Variants in ZNF696 observed in about 807,000 individuals in gnomAD.
The protein encoded by ZNF696 is zinc finger protein 696.
A neutral mutation model predicts 12.3 loss-of-function variants in ZNF696; 10 were observed. That is an observed-to-expected ratio of 0.81 (90% confidence interval 0.50 to 1.38). The LOEUF is 1.38. Among genes scored for constraint, ZNF696 ranks in the 40% most tolerant of loss-of-function variants. ZNF696 has a pLI of 0.00. For synonymous variants in ZNF696, 304 were observed against 243.9 expected (o/e 1.25, Z -2.29); for missense variants, 675 against 554.7 (o/e 1.22, Z -2.18).
rs574614612 is a variant in ZNF696, at chr8:143,297,071, C to G, written c.*271C>G. On this transcript the variant is annotated 3_prime_UTR_variant, in exon 3 of 3. Transcript: ENST00000330143. The stretch of plus-strand genomic sequence containing the variant: ...TCTGTCCCGGGCCGGCCGCCCGCCT[C>G]TGAGACTCCCCGCCTCCCACGGTCA... 8.2e-6 allele frequency: 3 copies of G among 364,686 alleles called. No homozygotes were observed. The highest frequency in any genetic ancestry group is 6.3e-5 in the African/African-American group (3 of 47,354). The allele number at this position is 364,686 out of a possible 1,614,324, so 22.6% of individuals were successfully genotyped here.
rs1563742898 is a variant in ZNF696 at position 143,291,493 on chromosome 8, AG to A, written c.-302del. On this transcript the variant is annotated 5_prime_UTR_variant, in exon 1 of 3. Transcript: ENST00000330143. ...CTGGGGTGTCGATTCGGGAGGGCTG[AG>A]GGCGCGGCCGAGAGAACGGGGCGGT... 14 of 985,334 alleles carry A rather than the reference AG, an allele frequency of 1.4e-5. No individual in the cohort carries two copies. Among genetic ancestry groups the A allele is most frequent in the Non-Finnish European group, 1.7e-5 (14 of 829,970 alleles). The allele number at this position is 985,334 out of a possible 1,614,324, so 61.0% of individuals were successfully genotyped here.
chr8:143,296,361 G>A lies in ZNF696; in HGVS notation c.686G>A (p.Arg229His). ...GQRSDAAKHR[R>H]THTGERLYAC... is the part of the protein sequence containing the mutation. ...AGGTCGGACGCCGCCAAGCACCGCC[G>A]CACCCACACCGGGGAGAGGCTGTAC... The change falls in exon 3 of 3, where the codon CGC becomes CAC. Residue 229 changes from arginine (R) to histidine (H), a missense_variant. Transcript: ENST00000330143. 2 of 1,593,780 alleles carry A rather than the reference G, an allele frequency of 1.3e-6. No homozygotes were observed. The highest frequency in any genetic ancestry group is 8.5e-7 in the Non-Finnish European group (1 of 1,173,892).
chr8:143,293,746 T>G (rs964082632), intron 2 of ZNF696, among the ~76,000 whole-genome samples: 1 of 152,240 alleles, frequency 6.6e-6, no homozygotes, highest in Non-Finnish European at 1.5e-5. Flanking sequence ...TTTGAGTCAG[T>G]TCTTGAACTT....
At position 143,291,601 on chromosome 8, in the gene ZNF696, G is replaced by C; in HGVS notation, c.-197G>C. The stretch of plus-strand genomic sequence containing the variant: ...CTCTCGGGCGCGGCGTGGGGGAGGC[G>C]GCCCTGCAGGTGCGTACCCGGGGTC... On this transcript the variant is annotated 5_prime_UTR_variant, in exon 1 of 3. Coordinates refer to ENST00000330143, the MANE Select transcript of ZNF696 (RefSeq NM_030895.3). 1.0e-6 allele frequency: 1 copy of C among 985,460 alleles called. No individual in the cohort carries two copies. Among genetic ancestry groups the C allele is most frequent in the Non-Finnish European group, 1.2e-6 (1 of 829,936 alleles). 61.0% of individuals were successfully genotyped at this position (985,460 alleles called of 1,614,324 possible).
chr8:143,293,939 C>T (rs543785960), intron 2 of ZNF696, among the ~76,000 whole-genome samples: 33 of 152,206 alleles, frequency 2.2e-4, no homozygotes, highest in South Asian at 4.1e-4. Flanking sequence ...TGCCCCACCC[C>T]CACCTCCACA....
At position 143,298,603 on chromosome 8, in the gene ZNF696, G is replaced by A. The variant is rs1337960682; in HGVS notation, c.*1803G>A. Among the ~76,000 whole-genome samples, 3 of 152,178 alleles carry A rather than the reference G, an allele frequency of 2.0e-5. No individual in the cohort carries two copies. Among genetic ancestry groups the A allele is most frequent in the South Asian group, 2.1e-4 (1 of 4,828 alleles). ...GGGCCAACAGAAACAGCAGGCAGCCGCTGTCAGCCACAAAGAAACGCAGAT... is the reference window on the plus strand; with the variant it reads ...GGGCCAACAGAAACAGCAGGCAGCCACTGTCAGCCACAAAGAAACGCAGAT... On this transcript the variant is annotated 3_prime_UTR_variant, in exon 3 of 3. Transcript: ENST00000330143.
intron 2 of ZNF696, among the ~76,000 whole-genome samples, chr8:143,294,381 TTTTC>T (rs1174777962): frequency 7.7e-6 from 1 of 130,606 alleles, no homozygotes; most frequent in Non-Finnish European, 1.7e-5. Context: ...TCCGGATTTC[TTTTC>T]TTTTCTTTTT....
rs1815628881 is a variant in ZNF696, at chr8:143,291,713, T to C, written c.-85T>C. 1.0e-6 allele frequency: 1 copy of C among 985,374 alleles called. No individual in the cohort carries two copies. The highest frequency in any genetic ancestry group is 1.7e-5 in the African/African-American group (1 of 57,260). The allele number at this position is 985,374 out of a possible 1,614,324, so 61.0% of individuals were successfully genotyped here. ...TTGTCAAATTTCCCACCGGCCCAGC[T>C]CATCGAGCTTCTTCCCAGCTGTGAA... On this transcript the variant is annotated 5_prime_UTR_variant, in exon 1 of 3. Coordinates refer to ENST00000330143, the MANE Select transcript of ZNF696 (RefSeq NM_030895.3).
Position 143,296,812 on chromosome 8 carries a change from G to A in ZNF696, c.*12G>A, listed in dbSNP as rs1240705040. On this transcript the variant is annotated 3_prime_UTR_variant, in exon 3 of 3. Coordinates refer to ENST00000330143, the MANE Select transcript of ZNF696 (RefSeq NM_030895.3). ...ATGGCGCCGAGTGAGCCGGGGCTGC[G>A]GCGGAAGAGATGCCGGCGGCCTGGT... The A allele has an allele frequency of 3.6e-6, 5 of 1,382,594 alleles. No homozygotes were observed. Among genetic ancestry groups the A allele is most frequent in the African/African-American group, 1.5e-5 (1 of 65,112 alleles). 85.6% of individuals were successfully genotyped at this position (1,382,594 alleles called of 1,614,324 possible). A position where few individuals can be genotyped will look rare whatever the true frequency, so the allele number is the denominator to read the frequency against.
intron 2 of ZNF696, among the ~76,000 whole-genome samples, chr8:143,293,863 C>CT (rs1327927729): frequency 1.3e-5 from 2 of 152,252 alleles, no homozygotes; most frequent in Non-Finnish European, 2.9e-5. Flanking sequence ...TGTCAGGGGT[C>CT]TGCAAGGGCA....
rs571701912 is a variant in ZNF696 at position 143,299,903 on chromosome 8, C to T, written c.*3103C>T. 3.3e-5 allele frequency among the ~76,000 whole-genome samples: 5 copies of T among 152,046 alleles called. No homozygotes were observed. The highest frequency in any genetic ancestry group is 3.3e-4 in the Admixed American group (5 of 15,278). On this transcript the variant is annotated 3_prime_UTR_variant, in exon 3 of 3. Transcript: ENST00000330143. Reference sequence around the variant, plus strand: ...GCTCGAGACTGCAGTGAGCTGTAGTCATACCACTACACTCCAGCCTGGGCA... The same window carrying T: ...GCTCGAGACTGCAGTGAGCTGTAGTTATACCACTACACTCCAGCCTGGGCA...
intron 2 of ZNF696, 71 bp from the exon 3 acceptor site, chr8:143,295,669 C>G (rs1173814560): frequency 1.4e-6 from 2 of 1,438,808 alleles, no homozygotes; most frequent in African/African-American, 1.4e-5. Flanking sequence ...GTCGTCACCA[C>G]GATTGCCAGA....
chr8:143,293,240 G>A, intron 2 of ZNF696, 175 bp downstream of exon 2: 1 of 609,940 alleles, frequency 1.6e-6, no homozygotes, highest in Non-Finnish European at 2.9e-6. Context: ...TCTGTTTGGT[G>A]ACTGTCTTTG....
chr8:143,296,988 G>A lies in ZNF696; in HGVS notation c.*188G>A. ...GGAGCAATCAGGAGAGACAGGGCTC[G>A]GGGAAGGCGAGCGCTGCCCGCGGGA... is the stretch of plus-strand genomic sequence containing the variant. On this transcript the variant is annotated 3_prime_UTR_variant, in exon 3 of 3. Coordinates refer to ENST00000330143, the MANE Select transcript of ZNF696 (RefSeq NM_030895.3). 7.2e-6 allele frequency: 4 copies of A among 558,300 alleles called. No individual in the cohort carries two copies. The highest frequency in any genetic ancestry group is 1.1e-5 in the Non-Finnish European group (4 of 354,148). The allele number at this position is 558,300 out of a possible 1,614,324, so 34.6% of individuals were successfully genotyped here.
Position 143,291,437 on chromosome 8 carries a change from G to A in ZNF696, c.-361G>A, listed in dbSNP as rs1240642675. On this transcript the variant is annotated 5_prime_UTR_variant, in exon 1 of 3. Transcript: ENST00000330143. ...GGACCGTAGCGGGTGCAGTCCAGCT[G>A]CTCTGGACGCTGAGGCCCCGGCTTC... 3 of 985,586 alleles carry A rather than the reference G, an allele frequency of 3.0e-6. No individual in the cohort carries two copies. The highest frequency in any genetic ancestry group is 3.6e-6 in the Non-Finnish European group (3 of 830,090). The allele number at this position is 985,586 out of a possible 1,614,324, so 61.1% of individuals were successfully genotyped here.
Position 143,296,347 on chromosome 8 carries a change from C to A in ZNF696, c.672C>A (p.Ala224=). 1.3e-6 allele frequency: 2 copies of A among 1,588,674 alleles called. No individual in the cohort carries two copies. The highest frequency in any genetic ancestry group is 1.3e-5 in the African/African-American group (1 of 74,092). The part of the protein sequence containing the change: ...CGKAFGQRSD[A]AKHRRTHTGE... ...AGGCCTTCGGCCAGAGGTCGGACGC[C>A]GCCAAGCACCGCCGCACCCACACCG... The change falls in exon 3 of 3, where the codon GCC becomes GCA. Residue 224 remains alanine, a synonymous_variant. Transcript: ENST00000330143.
At chr8:143,295,498 G>T (rs2129736675) in intron 2 of ZNF696, 1 of 691,918 alleles carries the variant, frequency 1.4e-6, no homozygotes, top group African/African-American at 1.8e-5. Context: ...CGGCCCCACA[G>T]CCCCGTTTCT....
rs970191475 is a variant in ZNF696 at position 143,299,793 on chromosome 8, C to A, written c.*2993C>A. 6.6e-6 allele frequency among the ~76,000 whole-genome samples: 1 copy of A among 151,852 alleles called. No individual in the cohort carries two copies. The highest frequency in any genetic ancestry group is 1.5e-5 in the Non-Finnish European group (1 of 67,978). On this transcript the variant is annotated 3_prime_UTR_variant, in exon 3 of 3. Coordinates refer to ENST00000330143, the MANE Select transcript of ZNF696 (RefSeq NM_030895.3). ...ACCAGCCTGGGCAACATAGGGAGAA[C>A]CTGTCTCTACAAAAAATACAGTAAG...
intron 2 of ZNF696, chr8:143,295,249 G>A (rs1815687904): frequency 2.3e-6 from 1 of 437,590 alleles, no homozygotes; most frequent in African/African-American, 2.0e-5. Flanking sequence ...GTAAGGCAGT[G>A]CCCAGAGCCT....
Sources: gnomAD v4.1 joint callset for allele counts (sites outside exome capture counted in the v4.1 genomes callset) on GRCh38, gnomAD v4.1.1 for gene constraint, MANE v1.5 for transcripts, NCBI Gene and HGNC (gene_info 2026-07-23, HGNC 2026-07-21) for gene names.